ATAD2B: variants seen among roughly 807,000 people sequenced by gnomAD.
ATAD2B encodes ATPase family AAA domain containing 2B, also known as ATPase family AAA domain-containing protein 2B.
In ATAD2B, 40 loss-of-function variants were observed where a neutral mutation model predicts 167.6. The observed-to-expected ratio is 0.24, with a 90% confidence interval of 0.19 to 0.31. The LOEUF is 0.31. Ranked by LOEUF, ATAD2B falls within the 10% of genes least tolerant of loss-of-function variation. ATAD2B has a pLI of 1.00. For missense variants in ATAD2B, 1,242 were observed against 1,757.2 expected, an observed-to-expected ratio of 0.71 and a Z score of 5.24; for synonymous variants, 579 against 596.5, an observed-to-expected ratio of 0.97 and a Z score of 0.43.
At chr2:23,794,119 C>T (rs1208117379) in intron 19 of ATAD2B, among the ~76,000 whole-genome samples, 2 of 152,168 alleles carry the variant, frequency 1.3e-5, no homozygotes, top group Admixed American at 6.5e-5. Flanking sequence ...AAGCGATCCT[C>T]CCACCTCAGC....
the ATAD2B span, among the ~76,000 whole-genome samples, chr2:23,694,905 A>G: frequency 1.3e-5 from 2 of 151,856 alleles, no homozygotes; most frequent in African/African-American, 4.8e-5. Context: ...CTCCCATTAA[A>G]CTGTGTACCC....
At chr2:23,906,961 C>T (rs1424337029) in intron 1 of ATAD2B, among the ~76,000 whole-genome samples, 1 of 150,430 alleles carries the variant, frequency 6.6e-6, no homozygotes, top group East Asian at 1.9e-4. Context: ...ATTGATGGGA[C>T]GTATTTCAAA....
intron 22 of ATAD2B, among the ~76,000 whole-genome samples, chr2:23,769,646 T>C (rs1263999014): frequency 6.6e-6 from 1 of 151,890 alleles, no homozygotes; most frequent in Non-Finnish European, 1.5e-5. Flanking sequence ...CATCCTTGAT[T>C]ACATTTGATA....
intron 1 of ATAD2B, among the ~76,000 whole-genome samples, chr2:23,896,762 T>A (rs752856043): frequency 6.6e-6 from 1 of 152,280 alleles, no homozygotes; most frequent in South Asian, 2.1e-4. Context: ...GAAACACATA[T>A]TGCATTTAGT....
At chr2:23,762,095 A>G (rs1434554346) in intron 24 of ATAD2B, 114 bp downstream of exon 24, 3 of 1,049,776 alleles carry the variant, frequency 2.9e-6, no homozygotes, top group Non-Finnish European at 4.0e-6. Flanking sequence ...CTCTGAAAAG[A>G]GATTAAAAGA....
chr2:23,778,325 A>G (rs1679483473), intron 22 of ATAD2B, among the ~76,000 whole-genome samples: 1 of 152,248 alleles, frequency 6.6e-6, no homozygotes, highest in South Asian at 2.1e-4. Context: ...AAATATTAAT[A>G]TCAATGTGGT....
the ATAD2B span, among the ~76,000 whole-genome samples, chr2:23,705,907 CAGTG>C: frequency 1.3e-5 from 2 of 152,160 alleles, no homozygotes; most frequent in Admixed American, 1.3e-4. Flanking sequence ...AGGAGCAAGC[CAGTG>C]AGTGTCACAC....
chr2:23,693,489 C>G, the ATAD2B span: 1 of 1,551,574 alleles, frequency 6.4e-7, no homozygotes, highest in Admixed American at 2.0e-5. Context: ...ACGAGACAGT[C>G]ATCAAGTGGA....
chr2:23,752,148 A>G (rs1406782110), intron 27 of ATAD2B, 61 bp from the exon 28 acceptor site: 6 of 1,219,516 alleles, frequency 4.9e-6, no homozygotes, highest in Non-Finnish European at 7.0e-6. Context: ...GTTCCTCATT[A>G]CGGAAGAATT....
intron 13 of ATAD2B, among the ~76,000 whole-genome samples, chr2:23,850,100 G>A (rs1173339883): frequency 2.1e-5 from 3 of 141,626 alleles, no homozygotes; most frequent in Non-Finnish European, 3.0e-5. Context: ...CTGAGATCGC[G>A]CCACTGCTGG....
At chr2:23,785,175 T>C (rs1024079675) in intron 21 of ATAD2B, among the ~76,000 whole-genome samples, 1 of 152,074 alleles carries the variant, frequency 6.6e-6, no homozygotes, top group African/African-American at 2.4e-5. Flanking sequence ...AGGTATCTGC[T>C]CAGGTCCAAA....
the ATAD2B span, among the ~76,000 whole-genome samples, chr2:23,712,819 T>A: frequency 6.6e-6 from 1 of 152,194 alleles, no homozygotes; most frequent in African/African-American, 2.4e-5. Flanking sequence ...CCATCCAAAC[T>A]TGCCATGCAT....
intron 27 of ATAD2B, among the ~76,000 whole-genome samples, chr2:23,753,876 TA>T (rs1218627587): frequency 6.6e-6 from 1 of 152,078 alleles, no homozygotes; most frequent in Non-Finnish European, 1.5e-5. Flanking sequence ...ACGTCAGTTA[TA>T]AGCAAGTAGG....
intron 14 of ATAD2B, among the ~76,000 whole-genome samples, chr2:23,832,785 T>G (rs773876691): frequency 1.2e-4 from 18 of 152,208 alleles, no homozygotes; most frequent in Non-Finnish European, 1.3e-4. Flanking sequence ...GGAAATGGCT[T>G]TCCTGTGCTG....
intron 7 of ATAD2B, among the ~76,000 whole-genome samples, chr2:23,878,987 T>G (rs1697456608): frequency 1.3e-5 from 2 of 152,144 alleles, no homozygotes; most frequent in Admixed American, 6.6e-5. Flanking sequence ...CTGTTAAAAT[T>G]AATTAATTAA....
rs532185862 is a variant in ATAD2B at position 23,800,589 on chromosome 2, T to C, written c.2455-2266A>G. On this transcript the variant is annotated intron_variant, in intron 18 of 27. Transcript: ENST00000238789. ...AGGTTTGTTTTTTTCTGTTTCTTTT[T>C]TTCCTCCAATTGTCTCAAAATTAAC... 2.6e-5 allele frequency among the ~76,000 whole-genome samples: 4 copies of C among 152,312 alleles called. No individual in the cohort carries two copies. In the East Asian group the frequency reaches 7.7e-4, roughly 29 times the overall value.
At chr2:23,736,358 T>G in the ATAD2B span, among the ~76,000 whole-genome samples, 1 of 152,054 alleles carries the variant, frequency 6.6e-6, no homozygotes. Flanking sequence ...CACTCTTAAA[T>G]AGGAGCAGAT....
the ATAD2B span, among the ~76,000 whole-genome samples, chr2:23,734,440 G>C: frequency 6.6e-6 from 1 of 152,150 alleles, no homozygotes; most frequent in Admixed American, 6.5e-5. Flanking sequence ...GATTACATGT[G>C]TGAGCCATCG....
At chr2:23,888,013 A>G (rs937545388) in intron 3 of ATAD2B, 28 bp from the exon 4 acceptor site, 1 of 1,512,728 alleles carries the variant, frequency 6.6e-7, no homozygotes, top group South Asian at 1.4e-5. Context: ...TTTACATTTC[A>G]AAGTACAGAA....
Sources: allele counts gnomAD v4.1 joint callset (sites outside exome capture counted in the v4.1 genomes callset), GRCh38; gene constraint gnomAD v4.1.1; transcripts MANE v1.5; gene names NCBI Gene and HGNC (gene_info 2026-07-23, HGNC 2026-07-21).